The following SLC43A1 variants were observed in gnomAD, a reference collection of about 807,000 sequenced individuals.
SLC43A1 encodes solute carrier family 43 member 1.
In SLC43A1, 31 loss-of-function variants were observed where a neutral mutation model predicts 59.5. That is an observed-to-expected ratio of 0.52 (90% CI 0.39 to 0.70). The LOEUF (loss-of-function observed/expected upper bound fraction) is 0.70. Ranked by LOEUF, SLC43A1 falls within the 30% of genes least tolerant of loss-of-function variation. The pLI, the probability that SLC43A1 is intolerant of heterozygous loss-of-function variation, is 0.00. For missense variants in SLC43A1, 598 were observed against 717.8 expected, an observed-to-expected ratio of 0.83 and a Z score of 1.91; for synonymous variants, 259 against 290.9, an observed-to-expected ratio of 0.89 and a Z score of 1.12.
chr11:57,494,585 T>C (rs941868944), intron 7 of SLC43A1: 2 of 202,728 alleles, frequency 9.9e-6, no homozygotes, highest in African/African-American at 4.8e-5. Context: ...GAGGATGGTA[T>C]AGGGGCTAAG....
rs75368889 is a variant in SLC43A1, at chr11:57,512,837, G to A, written c.154+1121C>T. On this transcript the variant is annotated intron_variant, in intron 2 of 14. Transcript: ENST00000278426. ...TCGCCATCTCTCGGTGCCATCTGTT[G>A]CATCTTTACAGATAACCATGGCTGG... 2.0e-3 allele frequency among the ~76,000 whole-genome samples: 298 copies of A among 152,212 alleles called. 1 individual carries two copies. The highest frequency in any genetic ancestry group is 6.7e-3 in the African/African-American group (279 of 41,550).
rs563589184 is a variant in SLC43A1 at position 57,495,086 on chromosome 11, G to C, written c.693-915C>G. Among the ~76,000 whole-genome samples the C allele has an allele frequency of 2.1e-3, 317 of 151,988 alleles. 1 individual carries two copies. The highest frequency in any genetic ancestry group is 3.9e-3 in the Non-Finnish European group (263 of 67,976). ...TGGTCTAGAACTCCCGACCTCAGGC[G>C]ATCCACCCTCTTCGGCCTCCCAAAG... On this transcript the variant is annotated intron_variant, in intron 7 of 14. Transcript: ENST00000278426.
At chr11:57,512,845 A>C (rs539803612) in intron 2 of SLC43A1, among the ~76,000 whole-genome samples, 1 of 152,190 alleles carries the variant, frequency 6.6e-6, no homozygotes, top group South Asian at 2.1e-4. Flanking sequence ...TTGCATCTTT[A>C]CAGATAACCA....
intron 2 of SLC43A1, among the ~76,000 whole-genome samples, chr11:57,507,427 G>C (rs11229044): frequency 6.6e-6 from 1 of 151,948 alleles, no homozygotes; most frequent in African/African-American, 2.4e-5. Context: ...CGGTGATTGC[G>C]CTGCTGCACT....
intron 2 of SLC43A1, among the ~76,000 whole-genome samples, chr11:57,502,023 A>G (rs1682309967): frequency 6.6e-6 from 1 of 152,234 alleles, no homozygotes; most frequent in African/African-American, 2.4e-5. Context: ...AAGCTGAGGC[A>G]CAGAATGAGA....
intron 7 of SLC43A1, 88 bp downstream of exon 7, chr11:57,495,943 C>T (rs1944068829): frequency 1.4e-6 from 2 of 1,468,644 alleles, no homozygotes; most frequent in African/African-American, 1.4e-5. Context: ...AAGCCGAGGT[C>T]TCTCTGAATC....
chr11:57,513,477 C>A (rs1208244980), intron 2 of SLC43A1, among the ~76,000 whole-genome samples: 1 of 152,240 alleles, frequency 6.6e-6, no homozygotes, highest in African/African-American at 2.4e-5. Context: ...AAACCAGAGA[C>A]TCTCCACAAT....
At position 57,484,994 on chromosome 11, in the gene SLC43A1, T is replaced by C; in HGVS notation, c.*102A>G. ...CTTGGTATTTATAAATCTACGGCCA[T>C]GGCTCTATGTGCATGTTACAGGTAG... On this transcript the variant is annotated 3_prime_UTR_variant, in exon 15 of 15. Coordinates refer to ENST00000278426, the MANE Select transcript of SLC43A1 (RefSeq NM_003627.6). The C allele has an allele frequency of 7.8e-7, 1 of 1,280,960 alleles. No homozygotes were observed. Among genetic ancestry groups the C allele is most frequent in the South Asian group, 1.6e-5 (1 of 62,164 alleles). 79.3% of individuals were successfully genotyped at this position (1,280,960 alleles called of 1,614,324 possible).
intron 4 of SLC43A1, 59 bp from the exon 5 acceptor site, chr11:57,500,914 G>GGA (rs1445469984): frequency 1.1e-5 from 17 of 1,606,064 alleles, no homozygotes; most frequent in Non-Finnish European, 1.4e-5. Context: ...GCCAAGGGCG[G>GGA]GAGCTGGGGT....
chr11:57,493,739 ACCTTGT>A (rs1475453729), intron 8 of SLC43A1, among the ~76,000 whole-genome samples: 1 of 152,110 alleles, frequency 6.6e-6, no homozygotes, highest in Non-Finnish European at 1.5e-5. Flanking sequence ...AGGCCCAGAG[ACCTTGT>A]CCCCATTTTG....
chr11:57,509,266 C>T (rs1365150746), intron 2 of SLC43A1, among the ~76,000 whole-genome samples: 2 of 151,936 alleles, frequency 1.3e-5, no homozygotes, highest in African/African-American at 4.8e-5. Flanking sequence ...GATCAAGGAT[C>T]TAACTATAAG....
Position 57,491,295 on chromosome 11 carries a change from G to T in SLC43A1, c.1122C>A (p.Gly374=), listed in dbSNP as rs1358753619. ...CCTTGATCCGCCAGTCCATGATGTA[G>T]CCAATGAGGGGGCAGGTGAGAAGGC... The part of the protein sequence containing the change: ...LLCLLTCPLI[G]YIMDWRIKDC... Residue 374 remains glycine, a synonymous_variant, in exon 11 of 15, where the codon GGC becomes GGA. Transcript: ENST00000278426. The T allele has an allele frequency of 1.9e-6, 3 of 1,611,912 alleles. No homozygotes were observed. Among genetic ancestry groups the T allele is most frequent in the Non-Finnish European group, 2.5e-6 (3 of 1,178,906 alleles).
chr11:57,512,543 C>CAAA (rs1198549159), intron 2 of SLC43A1, among the ~76,000 whole-genome samples: 1 of 122,706 alleles, frequency 8.1e-6, no homozygotes. Context: ...GACTCTGTCT[C>CAAA]AAAAAAAAAA....
chr11:57,508,207 C>T lies in SLC43A1; in HGVS notation c.154+5751G>A, dbSNP rs559433422. Among the ~76,000 whole-genome samples the T allele has an allele frequency of 1.8e-3, 276 of 150,456 alleles. 1 individual carries two copies. The highest frequency in any genetic ancestry group is 6.3e-3 in the African/African-American group (260 of 40,962). The stretch of plus-strand genomic sequence containing the variant: ...GCTTGAACCTGGGAGGCGGAGGTTG[C>T]AGTGAGGTGAGATCGCACCACTGCA... On this transcript the variant is annotated intron_variant, in intron 2 of 14. Coordinates refer to ENST00000278426, the MANE Select transcript of SLC43A1 (RefSeq NM_003627.6).
At chr11:57,488,172 C>T (rs1943796084) in intron 13 of SLC43A1, among the ~76,000 whole-genome samples, 1 of 152,092 alleles carries the variant, frequency 6.6e-6, no homozygotes, top group Non-Finnish European at 1.5e-5. Flanking sequence ...CTAAAGGCTG[C>T]CACAATAATC....
chr11:57,500,584 A>G (rs1298286918), intron 5 of SLC43A1, among the ~76,000 whole-genome samples, 195 bp downstream of exon 5: 1 of 152,092 alleles, frequency 6.6e-6, no homozygotes, highest in Non-Finnish European at 1.5e-5. Flanking sequence ...CCCGACACAC[A>G]GCCTCATCCA....
rs775200755 is a variant in SLC43A1, at chr11:57,501,173, C to T, written c.311G>A (p.Arg104Gln). Reference sequence around the variant, plus strand: ...TCACCTGCCAACCAGCCGCACGGGTCGGGGGCCAAAGCGGTCCATGAGGAT... The same window carrying T: ...TCACCTGCCAACCAGCCGCACGGGTTGGGGGCCAAAGCGGTCCATGAGGAT... ...LGILMDRFGP[R>Q]PVRLVGSACF... The change falls in exon 3 of 15, where the codon CGA becomes CAA. Residue 104 changes from arginine (R) to glutamine (Q), a missense_variant. Physicochemically the swap from Arg to Gln is conservative, Grantham distance 43. Coordinates refer to ENST00000278426, the MANE Select transcript of SLC43A1 (RefSeq NM_003627.6). 176 of 1,612,380 alleles carry T rather than the reference C, an allele frequency of 1.1e-4. No homozygotes were observed. Among genetic ancestry groups the T allele is most frequent in the East Asian group, 2.7e-4 (12 of 44,890 alleles).
At chr11:57,511,794 G>A (rs1944555378) in intron 2 of SLC43A1, among the ~76,000 whole-genome samples, 1 of 152,130 alleles carries the variant, frequency 6.6e-6, no homozygotes, top group Admixed American at 6.6e-5. Context: ...ATCACAAAAG[G>A]CTACATATTA....
intron 7 of SLC43A1, among the ~76,000 whole-genome samples, chr11:57,494,990 A>G (rs1381384711): frequency 6.6e-6 from 1 of 151,724 alleles, no homozygotes; most frequent in African/African-American, 2.4e-5. Context: ...CTGGGATTAC[A>G]GGCATGCACC....
Sources: allele counts gnomAD v4.1 joint callset (sites outside exome capture counted in the v4.1 genomes callset), GRCh38; gene constraint gnomAD v4.1.1; transcripts MANE v1.5; gene names NCBI Gene and HGNC (gene_info 2026-07-23, HGNC 2026-07-21).